The following CDH22 variants were observed in gnomAD, a reference collection of about 807,000 sequenced individuals.
The protein encoded by CDH22 is cadherin 22.
Under a neutral mutation model 58.4 loss-of-function variants are expected in CDH22, and 30 were observed. That is an observed-to-expected ratio of 0.51 (90% CI 0.38 to 0.70). The LOEUF is 0.70. Ranked by LOEUF, CDH22 falls within the 30% of genes least tolerant of loss-of-function variation. The pLI, the probability that CDH22 is intolerant of heterozygous loss-of-function variation, is 0.00. For synonymous variants in CDH22, 513 were observed against 558.2 expected (o/e 0.92, Z 1.14); for missense variants, 1,014 against 1,233.9 (o/e 0.82, Z 2.67).
At chr20:46,228,728 T>G (rs1207028257) in intron 3 of CDH22, among the ~76,000 whole-genome samples, 1 of 152,060 alleles carries the variant, frequency 6.6e-6, no homozygotes, top group Non-Finnish European at 1.5e-5. Flanking sequence ...AGAGATGCCC[T>G]CTGCTGGGTG....
intron 8 of CDH22, among the ~76,000 whole-genome samples, chr20:46,195,351 T>C (rs973319954): frequency 1.3e-4 from 20 of 152,220 alleles, no homozygotes; most frequent in Non-Finnish European, 2.6e-4. Context: ...CGATCTTCAC[T>C]GAATACTCAC....
chr20:46,244,829 A>G (rs896533780), intron 2 of CDH22, among the ~76,000 whole-genome samples: 13 of 152,208 alleles, frequency 8.5e-5, no homozygotes, highest in Non-Finnish European at 1.8e-4. Flanking sequence ...GGCCACAGTC[A>G]TCGGTGGCCT....
rs1478185177 is a variant in CDH22, at chr20:46,254,860, C to G, written c.-399-3167G>C. ...CACAGAGGGAACAGCATGCAAAGGT[C>G]CAGAGGTTGGAATGAGCTGAGATGG... On this transcript the variant is annotated intron_variant, in intron 1 of 11. Coordinates refer to ENST00000537909, the MANE Select transcript of CDH22 (RefSeq NM_021248.3). Among the ~76,000 whole-genome samples the G allele has an allele frequency of 2.0e-5, 3 of 152,048 alleles. No homozygotes were observed. In the East Asian group the frequency reaches 5.8e-4, roughly 29 times the overall value.
chr20:46,240,933 C>T (rs1173397158), intron 3 of CDH22, 30 bp downstream of exon 3: 2 of 1,590,152 alleles, frequency 1.3e-6, no homozygotes, highest in Non-Finnish European at 1.7e-6. Context: ...ACCTTGATCC[C>T]ATCCCCCACC....
At chr20:46,175,129 T>C (rs1568647061) in intron 11 of CDH22, 52 bp from the exon 12 acceptor site, 1 of 1,546,316 alleles carries the variant, frequency 6.5e-7, no homozygotes, top group South Asian at 1.2e-5. Flanking sequence ...CCCAGGGCAT[T>C]AGAAGGACCC....
At chr20:46,224,064 G>A (rs1424556957) in intron 4 of CDH22, among the ~76,000 whole-genome samples, 2 of 152,088 alleles carry the variant, frequency 1.3e-5, no homozygotes, top group Non-Finnish European at 2.9e-5. Context: ...TGTTGGCCAG[G>A]CTGGTGTCAA....
At chr20:46,268,398 C>A (rs952648218) in intron 1 of CDH22, among the ~76,000 whole-genome samples, 1 of 152,262 alleles carries the variant, frequency 6.6e-6, no homozygotes, top group Non-Finnish European at 1.5e-5. Context: ...GAGGTCCCAG[C>A]GATTATGCCA....
intron 11 of CDH22, 30 bp downstream of exon 11, chr20:46,177,916 G>A: frequency 6.2e-7 from 1 of 1,608,216 alleles, no homozygotes; most frequent in Non-Finnish European, 8.5e-7. Flanking sequence ...GGCCAATCAG[G>A]CAGGGCTGGG....
At chr20:46,208,318 C>G (rs1482852586) in intron 7 of CDH22, among the ~76,000 whole-genome samples, 5 of 152,208 alleles carry the variant, frequency 3.3e-5, no homozygotes, top group Non-Finnish European at 7.3e-5. Context: ...CCAATACTTA[C>G]AGCTCCCAGA....
At chr20:46,215,041 C>T (rs1600700312) in intron 5 of CDH22, among the ~76,000 whole-genome samples, 1 of 152,210 alleles carries the variant, frequency 6.6e-6, no homozygotes, top group Non-Finnish European at 1.5e-5. Context: ...CGTGACAGTA[C>T]CAGGAGTCAG....
chr20:46,246,672 T>C (rs1483982410), intron 2 of CDH22, among the ~76,000 whole-genome samples: 1 of 152,104 alleles, frequency 6.6e-6, no homozygotes, highest in African/African-American at 2.4e-5. Flanking sequence ...CAGCGGTTCC[T>C]GTGGGTGCTG....
rs181314382 is a variant in CDH22, at chr20:46,227,017, T to G, written c.670+491A>C. 5.9e-5 allele frequency among the ~76,000 whole-genome samples: 9 copies of G among 152,372 alleles called. No homozygotes were observed. In the East Asian group the frequency reaches 1.5e-3, roughly 26 times the overall value. On this transcript the variant is annotated intron_variant, in intron 4 of 11. Coordinates refer to ENST00000537909, the MANE Select transcript of CDH22 (RefSeq NM_021248.3). The stretch of plus-strand genomic sequence containing the variant: ...AAGAAGCCACTCTTCCTTAAAGGTC[T>G]CTGTGTCTTAGACACCTTTCCTTAA...
chr20:46,248,308 C>G (rs958827197), intron 2 of CDH22, among the ~76,000 whole-genome samples: 2 of 152,196 alleles, frequency 1.3e-5, no homozygotes, highest in Non-Finnish European at 2.9e-5. Context: ...ATGTGGGTGG[C>G]TGGCGAGGCT....
At chr20:46,229,946 T>C (rs1164675367) in intron 3 of CDH22, among the ~76,000 whole-genome samples, 1 of 152,144 alleles carries the variant, frequency 6.6e-6, no homozygotes, top group Non-Finnish European at 1.5e-5. Flanking sequence ...TCCCAGGGAC[T>C]CCCGAGGGGA....
In CDH22 at chr20:46,210,559, C is replaced by T. The variant is rs376968391; in HGVS notation, c.1034G>A (p.Arg345His). The change falls in exon 7 of 12, where the codon CGC becomes CAC. Residue 345 changes from arginine (R) to histidine (H), a missense_variant and splice_region_variant. Physicochemically the swap from Arg to His is conservative, Grantham distance 29 (BLOSUM62 0). Coordinates refer to ENST00000537909, the MANE Select transcript of CDH22 (RefSeq NM_021248.3). The surrounding 1 kb of genome is among the most constrained non-coding windows in gnomAD (Gnocchi z 4.5). Reference sequence around the variant, plus strand: ...CACGGGCTGGGATTCGAAGTCCAGGCGCTGCGGGAGGGAGCAGAGGGCCGG... The same window carrying T: ...CACGGGCTGGGATTCGAAGTCCAGGTGCTGCGGGAGGGAGCAGAGGGCCGG... Reference protein sequence around the residue: ...TQEAIIVVQKRLDFESQPVHT... With the variant: ...TQEAIIVVQKHLDFESQPVHT... 5 of 1,427,950 alleles carry T rather than the reference C, an allele frequency of 3.5e-6. No individual in the cohort carries two copies. Among genetic ancestry groups the T allele is most frequent in the Non-Finnish European group, 4.6e-6 (5 of 1,087,678 alleles). 88.5% of individuals were successfully genotyped at this position (1,427,950 alleles called of 1,614,324 possible). A position where few individuals can be genotyped will look rare whatever the true frequency, so the allele number is the denominator to read the frequency against.
chr20:46,207,147 C>A (rs1440255431), intron 7 of CDH22, among the ~76,000 whole-genome samples: 3 of 152,196 alleles, frequency 2.0e-5, no homozygotes, highest in Non-Finnish European at 4.4e-5. Context: ...GACCAGTCTC[C>A]AGCTCCTCAC....
At chr20:46,297,965 T>C (rs1476374000) in intron 1 of CDH22, among the ~76,000 whole-genome samples, 2 of 151,896 alleles carry the variant, frequency 1.3e-5, no homozygotes, top group Non-Finnish European at 2.9e-5. Context: ...CCTACCCACC[T>C]CTTCTCAAGG....
intron 10 of CDH22, among the ~76,000 whole-genome samples, chr20:46,182,679 C>T (rs1195934439): frequency 6.6e-6 from 1 of 152,230 alleles, no homozygotes; most frequent in Non-Finnish European, 1.5e-5. Flanking sequence ...GGTCCCCTAC[C>T]CCACCCTTCT....
chr20:46,186,350 A>G (rs1010021613), intron 10 of CDH22, among the ~76,000 whole-genome samples: 2 of 151,498 alleles, frequency 1.3e-5, no homozygotes, highest in Non-Finnish European at 2.9e-5. Flanking sequence ...TTCCCTGTCT[A>G]TATCTTCCCA....
Sources: gnomAD v4.1 joint callset for allele counts (sites outside exome capture counted in the v4.1 genomes callset) on GRCh38, gnomAD v4.1.1 for gene constraint, Gnocchi (gnomAD v3.1) non-coding constraint, MANE v1.5 for transcripts, NCBI Gene and HGNC (gene_info 2026-07-23, HGNC 2026-07-21) for gene names.